The following DNAI7 variants were observed in gnomAD, a reference collection of about 807,000 sequenced individuals.
The protein encoded by DNAI7 is dynein axonemal intermediate chain 7.
A neutral mutation model predicts 86.6 loss-of-function variants in DNAI7; 78 were observed. That is an observed-to-expected ratio of 0.90 (90% CI 0.75 to 1.09). The LOEUF is 1.09. DNAI7 is among the 50% of genes least tolerant of loss of function. The pLI is 0.00. For synonymous variants in DNAI7, 274 were observed against 273.0 expected (o/e 1.00, Z -0.04); for missense variants, 753 against 810.2 (o/e 0.93, Z 0.86).
Position 25,119,318 on chromosome 12 carries a change from AAAC to A in DNAI7, c.1240-20_1240-18del, listed in dbSNP as rs755527173. The A allele has an allele frequency of 6.4e-7, 1 of 1,567,654 alleles. No homozygotes were observed. Among genetic ancestry groups the A allele is most frequent in the East Asian group, 2.2e-5 (1 of 44,522 alleles). The stretch of plus-strand genomic sequence containing the variant: ...TTTGAGTATCTTTTTAAAATGACCA[AAAC>A]AACATCAAGTTAGTTGACTGGTAGC... On this transcript the variant is annotated intron_variant, in intron 11 of 15. Transcript: ENST00000395987.
At chr12:25,118,576 G>T (rs563011706) in intron 12 of DNAI7, among the ~76,000 whole-genome samples, 36 of 150,292 alleles carry the variant, frequency 2.4e-4, no homozygotes, top group Non-Finnish European at 5.2e-4. Flanking sequence ...TTGTTTTTTT[G>T]AGACAGACAG....
At chr12:25,171,948 T>A (rs942019760) in intron 2 of DNAI7, among the ~76,000 whole-genome samples, 1 of 152,060 alleles carries the variant, frequency 6.6e-6, no homozygotes, top group African/African-American at 2.4e-5. Context: ...AAAATCAGCA[T>A]AAAAGGGACA....
At position 25,194,821 on chromosome 12, in the gene DNAI7, G is replaced by A; in HGVS notation, c.3+255C>T. The stretch of plus-strand genomic sequence containing the variant: ...AATTTTCAAGCTTAGCAACATTCGA[G>A]ATCAGGATACCGTGTGACAGCTTTG... On this transcript the variant is annotated intron_variant, in intron 1 of 15. Coordinates refer to ENST00000395987, the MANE Select transcript of DNAI7 (RefSeq NM_018272.5). The A allele has an allele frequency of 2.0e-6, 3 of 1,517,678 alleles. No homozygotes were observed. The South Asian group carries it at 3.5e-5, about 18-fold the overall frequency. The allele number at this position is 1,517,678 out of a possible 1,614,324, so 94.0% of individuals were successfully genotyped here. A position where few individuals can be genotyped will look rare whatever the true frequency, so the allele number is the denominator to read the frequency against.
intron 2 of DNAI7, among the ~76,000 whole-genome samples, chr12:25,178,933 TC>T (rs1949244170): frequency 6.6e-6 from 1 of 152,060 alleles, no homozygotes; most frequent in Non-Finnish European, 1.5e-5. Context: ...TCCTTCCTTC[TC>T]CTTTGGGTTT....
chr12:25,192,694 C>G (rs1396283575), intron 1 of DNAI7: 2 of 152,136 alleles, frequency 1.3e-5, no homozygotes, highest in Non-Finnish European at 2.9e-5. Flanking sequence ...TGGCATGCAC[C>G]TGTAATCCCA....
rs1197254849 is a variant in DNAI7, at chr12:25,108,703, G to A, written c.2014C>T (p.Leu672Phe). The change falls in exon 16 of 16, where the codon CTT becomes TTT. Residue 672 changes from leucine to phenylalanine, a missense_variant. Leu to Phe is a conservative substitution (Grantham distance 22, BLOSUM62 0). Transcript: ENST00000395987. ...GAATGAAACTCAGTTTCTTCTTTAA[G>A]TGCTTCAGAAAATGCCTCACTCTCT... ...KEESEAFSEA[L>F]KEETEFHSTL... 4.3e-6 allele frequency: 7 copies of A among 1,613,226 alleles called. No individual in the cohort carries two copies. In the East Asian group the frequency reaches 8.9e-5, roughly 21 times the overall value.
At chr12:25,114,111 A>G (rs1005399114) in intron 13 of DNAI7, among the ~76,000 whole-genome samples, 7 of 151,710 alleles carry the variant, frequency 4.6e-5, no homozygotes, top group Non-Finnish European at 8.8e-5. Flanking sequence ...ACGCCTGGCT[A>G]ATTTTTGTAT....
intron 13 of DNAI7, 134 bp from the exon 14 acceptor site, chr12:25,112,073 C>T: frequency 2.2e-6 from 1 of 458,588 alleles, no homozygotes; most frequent in Admixed American, 3.9e-5. Context: ...GAATGCAGGG[C>T]AAGTATATCT....
chr12:25,121,860 T>C lies in DNAI7; in HGVS notation c.1132A>G (p.Asn378Asp), dbSNP rs368628602. Residue 378 changes from asparagine (N) to aspartate (D), a missense_variant, in exon 11 of 16, where the codon AAT (asparagine) becomes GAT (aspartate). Transcript: ENST00000395987. The stretch of plus-strand genomic sequence containing the variant: ...GTGAACTGGCATAAATCCACCACAT[T>C]GTCTTCAAAGAAATCTGGCTTTTCA... The part of the protein sequence containing the change: ...SSEKPDFFED[N>D]VVDLCQFTTL... The C allele has an allele frequency of 4.7e-5, 75 of 1,596,188 alleles. No homozygotes were observed. Among genetic ancestry groups the C allele is most frequent in the Non-Finnish European group, 5.9e-5 (69 of 1,175,558 alleles).
intron 10 of DNAI7, among the ~76,000 whole-genome samples, chr12:25,122,441 C>A (rs1941448783): frequency 4.9e-5 from 4 of 82,338 alleles, no homozygotes; most frequent in East Asian, 3.6e-4. Context: ...AGAGCAAGAT[C>A]TCATCTCAAA....
chr12:25,189,188 A>G (rs145675088), intron 2 of DNAI7, among the ~76,000 whole-genome samples: 299 of 152,338 alleles, frequency 2.0e-3, no homozygotes, highest in African/African-American at 6.5e-3. Context: ...TTCAACAAAT[A>G]TTGAATGAAT....
At chr12:25,172,033 A>T (rs1207819387) in intron 2 of DNAI7, among the ~76,000 whole-genome samples, 1 of 152,220 alleles carries the variant, frequency 6.6e-6, no homozygotes, top group African/African-American at 2.4e-5. Flanking sequence ...CGTTGAAAGC[A>T]TTCCCTCTGA....
chr12:25,144,915 C>G (rs377723688), intron 8 of DNAI7, among the ~76,000 whole-genome samples: 240 of 152,240 alleles, frequency 1.6e-3, no homozygotes, highest in Middle Eastern at 6.8e-3. Context: ...CTTCTGTCTC[C>G]TCTATATGGC....
rs143175461 is a variant in DNAI7, at chr12:25,168,732, G to A, written c.22-7535C>T. ...ACTTGCCAACCAAGCAAGTAATTAC[G>A]CTGCACCCCCTGGGGCACTCTCTAA... On this transcript the variant is annotated intron_variant, in intron 2 of 15. Coordinates refer to ENST00000395987, the MANE Select transcript of DNAI7 (RefSeq NM_018272.5). Among the ~76,000 whole-genome samples, 933 of 152,148 alleles carry A rather than the reference G, an allele frequency of 6.1e-3. 10 individuals are homozygous for A. Among genetic ancestry groups the A allele is most frequent in the African/African-American group, 0.021 (871 of 41,496 alleles).
chr12:25,181,453 C>T (rs12299864), intron 2 of DNAI7, among the ~76,000 whole-genome samples: 31,582 of 151,866 alleles, frequency 0.21, 3,714 homozygotes, highest in African/African-American at 0.32. Context: ...AAAAGAAAAC[C>T]AGGAAAAACT....
chr12:25,164,271 G>A (rs1207590344), intron 2 of DNAI7, among the ~76,000 whole-genome samples: 2 of 151,336 alleles, frequency 1.3e-5, no homozygotes, highest in Non-Finnish European at 2.9e-5. Flanking sequence ...CTTTTCTAGA[G>A]GGCAAGAATC....
In DNAI7 at chr12:25,144,552, A is replaced by T; in HGVS notation, c.815T>A (p.Val272Asp). Residue 272 changes from valine (V) to aspartate (D), a missense_variant, in exon 9 of 16, where the codon GTT (valine) becomes GAT (aspartate). Physicochemically the swap from Val to Asp is radical, Grantham distance 152. Transcript: ENST00000395987. ...HYDHVSALHP[V>D]STPSKEYTSA... ...AGTGTATTCTTTTGATGGTGTTGAA[A>T]CAGGGTGCAGTGCAGAAACATGATC... is the stretch of plus-strand genomic sequence containing the variant. 6.2e-7 allele frequency: 1 copy of T among 1,614,146 alleles called. No individual in the cohort carries two copies. Among genetic ancestry groups the T allele is most frequent in the Non-Finnish European group, 8.5e-7 (1 of 1,180,008 alleles).
chr12:25,143,276 T>C (rs907513513), intron 9 of DNAI7, among the ~76,000 whole-genome samples: 17 of 145,810 alleles, frequency 1.2e-4, no homozygotes, highest in African/African-American at 2.8e-4. Flanking sequence ...TGAGACAAAG[T>C]CTCACTCTGT....
chr12:25,107,366 T>C (rs866675580), downstream of DNAI7, among the ~76,000 whole-genome samples: 1 of 152,196 alleles, frequency 6.6e-6, no homozygotes, highest in Non-Finnish European at 1.5e-5. Flanking sequence ...AAACAGTATA[T>C]ACTGGGTTTA....
Sources: allele counts gnomAD v4.1 joint callset (sites outside exome capture counted in the v4.1 genomes callset), GRCh38; gene constraint gnomAD v4.1.1; transcripts MANE v1.5; gene names NCBI Gene and HGNC (gene_info 2026-07-23, HGNC 2026-07-21).